MDM1: variants seen among roughly 807,000 people sequenced by gnomAD.
The protein encoded by MDM1 is stabilizer of axonemal microtubules 6.
MDM1 carries 61 observed loss-of-function variants against 89.1 expected under a neutral mutation model. The observed-to-expected ratio is 0.68, with a 90% CI of 0.56 to 0.85. The LOEUF (loss-of-function observed/expected upper bound fraction) is 0.85. Ranked by LOEUF, MDM1 falls within the 40% of genes least tolerant of loss-of-function variation. The pLI is 0.00. For synonymous variants in MDM1, 290 were observed against 294.1 expected (o/e 0.99, Z 0.14); for missense variants, 820 against 846.5 (o/e 0.97, Z 0.39).
chr12:68,325,893 A>G (rs191186843), intron 3 of MDM1: 2 of 1,010,540 alleles, frequency 2.0e-6, no homozygotes, highest in East Asian at 1.9e-4. Context: ...AAGTCCCAGC[A>G]CTTTGCCTCA....
At chr12:68,320,546 AG>A (rs1439118382) in intron 7 of MDM1, among the ~76,000 whole-genome samples, 2 of 152,198 alleles carry the variant, frequency 1.3e-5, no homozygotes, top group Non-Finnish European at 2.9e-5. Context: ...CTTCCCCCAG[AG>A]GCTGATTATA....
Position 68,332,262 on chromosome 12 carries a change from G to C in MDM1, c.-17C>G. 3 of 1,581,428 alleles carry C rather than the reference G, an allele frequency of 1.9e-6. No individual in the cohort carries two copies. Among genetic ancestry groups the C allele is most frequent in the Non-Finnish European group, 2.6e-6 (3 of 1,164,754 alleles). On this transcript the variant is annotated 5_prime_UTR_variant, in exon 1 of 15. Coordinates refer to ENST00000682720, the MANE Select transcript of MDM1 (RefSeq NM_001354969.2). ...CACCGGCATGTCGCCCGGCGCCGGAGCCCCCGCTACTCCGACAGTTAACTG... is the reference window on the plus strand; with the variant it reads ...CACCGGCATGTCGCCCGGCGCCGGACCCCCCGCTACTCCGACAGTTAACTG...
At chr12:68,327,107 G>C in intron 2 of MDM1, 86 bp from the exon 3 acceptor site, 1 of 1,468,992 alleles carries the variant, frequency 6.8e-7, no homozygotes, top group Admixed American at 2.5e-5. Context: ...GAGGAGAAAT[G>C]AAATTTTAAA....
At chr12:68,316,346 C>A (rs1874502458) in intron 8 of MDM1, 93 bp from the exon 9 acceptor site, 1 of 1,370,210 alleles carries the variant, frequency 7.3e-7, no homozygotes, top group Non-Finnish European at 9.8e-7. Flanking sequence ...ACAAATACAG[C>A]CAGGGACCAA....
At chr12:68,303,362 G>A (rs558809972) in intron 12 of MDM1, among the ~76,000 whole-genome samples, 2 of 152,130 alleles carry the variant, frequency 1.3e-5, no homozygotes, top group Non-Finnish European at 2.9e-5. Context: ...TGATACCAGA[G>A]CTGGCAAGGA....
chr12:68,307,658 C>T (rs1403927067), intron 12 of MDM1, among the ~76,000 whole-genome samples: 1 of 151,384 alleles, frequency 6.6e-6, no homozygotes, highest in East Asian at 2.0e-4. Context: ...AAAAAATGGG[C>T]CAGATGTGGT....
In MDM1 at chr12:68,302,881, C is replaced by CAAA. The variant is rs35426557; in HGVS notation, c.1750-12_1750-10dup. 1,426 of 1,103,538 alleles carry CAAA rather than the reference C, an allele frequency of 1.3e-3. No individual in the cohort carries two copies. The highest frequency in any genetic ancestry group is 1.4e-3 in the Non-Finnish European group (1,235 of 873,928). The allele number at this position is 1,103,538 out of a possible 1,614,324, so 68.4% of individuals were successfully genotyped here. ...ACAGCACGACTTTCTTTCTAAATGACAAAAAAAAAAAAAAAAAAAAGATGC... is the reference window on the plus strand; with the variant it reads ...ACAGCACGACTTTCTTTCTAAATGACAAAAAAAAAAAAAAAAAAAAAAAGATGC... On this transcript the variant is annotated splice_polypyrimidine_tract_variant and intron_variant, in intron 12 of 14. Transcript: ENST00000682720.
Position 68,313,504 on chromosome 12 carries a change from T to C in MDM1, c.1688A>G (p.Glu563Gly), listed in dbSNP as rs761429654. Residue 563 changes from glutamate to glycine, a missense_variant, in exon 12 of 15, where the codon GAA becomes GGA. Transcript: ENST00000682720. ...SPSKMKPPAP[E>G]QRKRMTSQDC... ...CTGAGAGGTCATTCTTTTCCTCTGT[T>C]CTGGGGCTGGAGGCTTCATCTTAGA... The C allele has an allele frequency of 4.3e-6, 7 of 1,614,116 alleles. No individual in the cohort carries two copies. The South Asian group carries it at 7.7e-5, about 18-fold the overall frequency.
Position 68,295,386 on chromosome 12 carries a change from A to C in MDM1, c.2063-20T>G, listed in dbSNP as rs766533948. 18 of 1,497,288 alleles carry C rather than the reference A, an allele frequency of 1.2e-5. No homozygotes were observed. Among genetic ancestry groups the C allele is most frequent in the Non-Finnish European group, 1.7e-5 (18 of 1,082,326 alleles). 92.8% of individuals were successfully genotyped at this position (1,497,288 alleles called of 1,614,324 possible). On this transcript the variant is annotated intron_variant, in intron 14 of 14. Coordinates refer to ENST00000682720, the MANE Select transcript of MDM1 (RefSeq NM_001354969.2). The stretch of plus-strand genomic sequence containing the variant: ...CCTCATCTGCAATGAAAAAATCCCG[A>C]GATTATATTCATTGCCAAAAATATC...
chr12:68,326,394 T>C (rs1875980865), intron 3 of MDM1: 2 of 1,443,958 alleles, frequency 1.4e-6, no homozygotes, highest in Non-Finnish European at 1.8e-6. Context: ...GGTGCTAATA[T>C]ATGATGAATA....
intron 9 of MDM1, 27 bp downstream of exon 9, chr12:68,316,051 T>C (rs1242621039): frequency 1.9e-6 from 3 of 1,572,706 alleles, no homozygotes; most frequent in Admixed American, 3.7e-5. Flanking sequence ...AACAAACTTT[T>C]TTTGCCATCC....
intron 12 of MDM1, among the ~76,000 whole-genome samples, chr12:68,303,746 C>T (rs1261111357): frequency 1.3e-5 from 2 of 152,096 alleles, no homozygotes; most frequent in African/African-American, 4.8e-5. Context: ...GATTATAAAA[C>T]CTTTCTACAC....
intron 13 of MDM1, among the ~76,000 whole-genome samples, chr12:68,299,025 A>G (rs1041358769): frequency 2.0e-5 from 3 of 152,142 alleles, no homozygotes; most frequent in Non-Finnish European, 4.4e-5. Context: ...TAACCAAAGA[A>G]CTTATAAAGA....
At chr12:68,297,576 C>G (rs79520159) in intron 13 of MDM1, among the ~76,000 whole-genome samples, 2,080 of 152,240 alleles carry the variant, frequency 0.014, 51 homozygotes, top group African/African-American at 0.047. Context: ...CAGGAAGCTG[C>G]CTAAATATGT....
chr12:68,317,118 G>A (rs1418799089), intron 7 of MDM1, among the ~76,000 whole-genome samples: 1 of 151,722 alleles, frequency 6.6e-6, no homozygotes, highest in Non-Finnish European at 1.5e-5. Context: ...TCAACAAAGG[G>A]ACAGGATAAA....
intron 8 of MDM1, 164 bp from the exon 9 acceptor site, chr12:68,316,417 T>G (rs1283371891): frequency 1.0e-6 from 1 of 963,478 alleles, no homozygotes; most frequent in African/African-American, 1.7e-5. Flanking sequence ...AAGCAAAAAC[T>G]AAAACAATCA....
chr12:68,324,474 A>T (rs1470485263), intron 4 of MDM1, among the ~76,000 whole-genome samples: 1 of 152,186 alleles, frequency 6.6e-6, no homozygotes, highest in African/African-American at 2.4e-5. Flanking sequence ...AAGGTATTTT[A>T]AAAATTGAAT....
intron 7 of MDM1, chr12:68,320,823 T>A (rs1213814114): frequency 6.6e-6 from 1 of 152,266 alleles, no homozygotes; most frequent in Non-Finnish European, 1.5e-5. Flanking sequence ...AATTCTCAAC[T>A]CTAGAATTAC....
intron 13 of MDM1, among the ~76,000 whole-genome samples, chr12:68,299,784 T>C (rs1409628103): frequency 6.6e-6 from 1 of 152,220 alleles, no homozygotes; most frequent in African/African-American, 2.4e-5. Flanking sequence ...TGAGGAAAAC[T>C]TCCCTGGCCT....
Sources: gnomAD v4.1 joint callset for allele counts (sites outside exome capture counted in the v4.1 genomes callset) on GRCh38, gnomAD v4.1.1 for gene constraint, MANE v1.5 for transcripts, NCBI Gene and HGNC (gene_info 2026-07-23, HGNC 2026-07-21) for gene names.